CREB5: variants seen among roughly 807,000 people sequenced by gnomAD.
The protein encoded by CREB5 is cAMP responsive element binding protein 5.
Under a neutral mutation model 57.1 loss-of-function variants are expected in CREB5, and 19 were observed. The observed-to-expected ratio is 0.33, with a 90% CI of 0.23 to 0.49. The LOEUF (loss-of-function observed/expected upper bound fraction) is 0.49, where lower values mean the gene tolerates loss of function less well. Among genes scored for constraint, CREB5 ranks in the 20% least tolerant of loss-of-function variants. CREB5 has a pLI of 0.99. For synonymous variants in CREB5, 238 were observed against 238.3 expected, an observed-to-expected ratio of 1.00 and a Z score of 0.01; for missense variants, 579 against 671.6, an observed-to-expected ratio of 0.86 and a Z score of 1.52.
chr7:28,775,566 T>TATATATATATATA (rs1396993277), intron 7 of CREB5, among the ~76,000 whole-genome samples: 4 of 82,546 alleles, frequency 4.8e-5, no homozygotes, highest in African/African-American at 1.9e-4. Flanking sequence ...ATATATATAT[T>TATATATATATATA]AGCGTATTTT....
intron 4 of CREB5, among the ~76,000 whole-genome samples, chr7:28,560,828 G>T (rs1215982828): frequency 1.5e-5 from 2 of 130,952 alleles, no homozygotes; most frequent in African/African-American, 6.0e-5. Flanking sequence ...GTGTGCGCGC[G>T]CGCGCGTGTG....
intron 7 of CREB5, among the ~76,000 whole-genome samples, chr7:28,742,816 C>T (rs1804449186): frequency 1.3e-5 from 2 of 152,126 alleles, no homozygotes; most frequent in South Asian, 4.1e-4. Flanking sequence ...GAGTTTCACT[C>T]TCGTTGCCCA....
intron 5 of CREB5, among the ~76,000 whole-genome samples, chr7:28,700,085 G>A (rs963228455): frequency 6.6e-6 from 1 of 152,148 alleles, no homozygotes; most frequent in Non-Finnish European, 1.5e-5. Context: ...TCCAGAGATC[G>A]TTTTCATGTT....
At chr7:28,697,675 A>G (rs1376760653) in intron 5 of CREB5, among the ~76,000 whole-genome samples, 1 of 152,180 alleles carries the variant, frequency 6.6e-6, no homozygotes, top group Non-Finnish European at 1.5e-5. Flanking sequence ...AGGAATCGCA[A>G]TTGGGAATCT....
At chr7:28,776,164 C>T (rs1806618331) in intron 7 of CREB5, among the ~76,000 whole-genome samples, 1 of 151,886 alleles carries the variant, frequency 6.6e-6, no homozygotes, top group Non-Finnish European at 1.5e-5. Context: ...GGTGAAACCC[C>T]GTCTCTACTA....
At chr7:28,463,453 T>C (rs1357821700) in intron 1 of CREB5, among the ~76,000 whole-genome samples, 1 of 152,222 alleles carries the variant, frequency 6.6e-6, no homozygotes, top group Non-Finnish European at 1.5e-5. Context: ...AGTTTGCCAA[T>C]TTCTGCAAAG....
At chr7:28,313,348 A>G (rs901992907) in intron 1 of CREB5, among the ~76,000 whole-genome samples, 3 of 152,192 alleles carry the variant, frequency 2.0e-5, no homozygotes, top group African/African-American at 4.8e-5. Flanking sequence ...CTGTTTTCCT[A>G]TCCCTTTTAC....
At chr7:28,326,511 G>A (rs1305997047) in intron 1 of CREB5, among the ~76,000 whole-genome samples, 2 of 152,144 alleles carry the variant, frequency 1.3e-5, no homozygotes, top group African/African-American at 4.8e-5. Context: ...TAACTTTCCA[G>A]TAGGTGCATT....
At chr7:28,568,169 G>C (rs770097202) in intron 4 of CREB5, among the ~76,000 whole-genome samples, 8 of 152,176 alleles carry the variant, frequency 5.3e-5, no homozygotes, top group Non-Finnish European at 8.8e-5. Flanking sequence ...CTTGGAAACT[G>C]CCTAAGAGGG....
chr7:28,611,314 T>C (rs1055409503), intron 5 of CREB5, among the ~76,000 whole-genome samples: 1 of 151,872 alleles, frequency 6.6e-6, no homozygotes, highest in Non-Finnish European at 1.5e-5. Context: ...CAGAGGAATC[T>C]GTGCCTCTCT....
In CREB5 at chr7:28,773,072, T is replaced by C. The variant is rs539964383; in HGVS notation, c.703-31127T>C. On this transcript the variant is annotated intron_variant, in intron 7 of 10. Coordinates refer to ENST00000357727, the MANE Select transcript of CREB5 (RefSeq NM_182898.4). ...GACATTGTTAGTCTTATTTTCAACA[T>C]GTAAATTCCTCCTTTAAGCGCCCAT... 2.0e-5 allele frequency among the ~76,000 whole-genome samples: 3 copies of C among 152,344 alleles called. No homozygotes were observed. The South Asian group carries it at 6.2e-4, about 32-fold the overall frequency.
At chr7:28,589,936 T>C (rs1796437981) in intron 5 of CREB5, among the ~76,000 whole-genome samples, 1 of 152,202 alleles carries the variant, frequency 6.6e-6, no homozygotes, top group African/African-American at 2.4e-5. Flanking sequence ...CTTAAGTCTT[T>C]TGTTGCTGTG....
At chr7:28,464,798 C>A (rs1002282337) in intron 1 of CREB5, among the ~76,000 whole-genome samples, 8 of 151,662 alleles carry the variant, frequency 5.3e-5, no homozygotes, top group African/African-American at 1.9e-4. Context: ...GGGTTCTTTG[C>A]AGTTCATGCC....
intron 4 of CREB5, among the ~76,000 whole-genome samples, chr7:28,509,530 G>T (rs1191614986): frequency 2.0e-5 from 3 of 152,130 alleles, no homozygotes; most frequent in Non-Finnish European, 4.4e-5. Context: ...TTCGAACATT[G>T]TGACGAGCAT....
intron 1 of CREB5, among the ~76,000 whole-genome samples, chr7:28,303,578 T>C (rs1277114171): frequency 2.0e-5 from 3 of 152,228 alleles, no homozygotes; most frequent in Non-Finnish European, 4.4e-5. Flanking sequence ...ATTAGGTTGC[T>C]TCACACAAAT....
At chr7:28,687,835 A>T (rs1170401942) in intron 5 of CREB5, among the ~76,000 whole-genome samples, 1 of 152,068 alleles carries the variant, frequency 6.6e-6, no homozygotes, top group African/African-American at 2.4e-5. Flanking sequence ...ATGTGTGAGG[A>T]GGCCTGAGTG....
intron 1 of CREB5, among the ~76,000 whole-genome samples, chr7:28,365,363 C>T (rs1786565126): frequency 6.6e-6 from 1 of 152,182 alleles, no homozygotes; most frequent in South Asian, 2.1e-4. Flanking sequence ...GTTCATCCTT[C>T]ACTTGTGCTT....
chr7:28,466,708 G>T (rs1005441551), intron 1 of CREB5, among the ~76,000 whole-genome samples: 1 of 152,070 alleles, frequency 6.6e-6, no homozygotes, highest in Admixed American at 6.5e-5. Flanking sequence ...GAGAGATACC[G>T]GAAGGGCGCT....
intron 5 of CREB5, among the ~76,000 whole-genome samples, chr7:28,682,486 C>CT (rs1800644061): frequency 1.3e-5 from 2 of 152,172 alleles, no homozygotes; most frequent in South Asian, 4.1e-4. Flanking sequence ...AGAGATGCCA[C>CT]TTTTTTCTGA....
Sources: allele counts gnomAD v4.1 joint callset (sites outside exome capture counted in the v4.1 genomes callset), GRCh38; gene constraint gnomAD v4.1.1; transcripts MANE v1.5; gene names NCBI Gene and HGNC (gene_info 2026-07-23, HGNC 2026-07-21).